Variants in CTDSPL2 observed in about 807,000 individuals in gnomAD.
CTDSPL2 encodes CTD small phosphatase-like protein 2.
CTDSPL2 carries 5 observed loss-of-function variants against 60.0 expected under a neutral mutation model. The ratio of observed to expected loss-of-function variants is 0.08; its 90% CI spans 0.04 to 0.18. CTDSPL2 has a LOEUF of 0.18. Among genes scored for constraint, CTDSPL2 ranks in the 10% least tolerant of loss-of-function variants. The pLI is 1.00. For missense variants in CTDSPL2, 370 were observed against 548.8 expected (o/e 0.67, Z 3.26); for synonymous variants, 186 against 189.3 (o/e 0.98, Z 0.14).
intron 1 of CTDSPL2, among the ~76,000 whole-genome samples, chr15:44,452,018 T>G (rs1200697114): frequency 6.6e-6 from 1 of 152,152 alleles, no homozygotes; most frequent in Non-Finnish European, 1.5e-5. Context: ...ATCAGAAATG[T>G]AGACTGAAAT....
At chr15:44,431,077 C>T (rs891281668) in intron 1 of CTDSPL2, among the ~76,000 whole-genome samples, 11 of 151,970 alleles carry the variant, frequency 7.2e-5, no homozygotes, top group African/African-American at 2.2e-4. Flanking sequence ...CCACCTCGGC[C>T]TCCCAAAGTG....
chr15:44,456,073 A>G (rs1299189978), intron 1 of CTDSPL2, among the ~76,000 whole-genome samples: 5 of 151,196 alleles, frequency 3.3e-5, no homozygotes, highest in African/African-American at 1.2e-4. Flanking sequence ...GATGGTCTCG[A>G]TCTCCTGACC....
At chr15:44,428,169 A>C (rs2079785358) in intron 1 of CTDSPL2, 1 of 152,706 alleles carries the variant, frequency 6.5e-6, no homozygotes, top group Admixed American at 6.5e-5. Flanking sequence ...CATTCTTTGG[A>C]GTAGGGTGCT....
intron 4 of CTDSPL2, among the ~76,000 whole-genome samples, chr15:44,488,465 A>G (rs961311766): frequency 2.6e-5 from 4 of 152,190 alleles, no homozygotes; most frequent in Admixed American, 1.3e-4. Context: ...GGAGATAGAT[A>G]ATTGAGTGTA....
intron 8 of CTDSPL2, among the ~76,000 whole-genome samples, chr15:44,507,266 G>C (rs981823703): frequency 6.6e-6 from 1 of 151,232 alleles, no homozygotes; most frequent in Non-Finnish European, 1.5e-5. Flanking sequence ...TGTATTTTTA[G>C]TAGAGATGGG....
intron 1 of CTDSPL2, among the ~76,000 whole-genome samples, chr15:44,444,389 GGTTGGAGTGC>G: frequency 6.6e-6 from 1 of 151,344 alleles, no homozygotes; most frequent in Admixed American, 6.6e-5. Context: ...CTGTCACCCA[GGTTGGAGTGC>G]AGTGGTGCAA....
At chr15:44,465,090 T>C (rs1159700517) in intron 2 of CTDSPL2, among the ~76,000 whole-genome samples, 1 of 152,268 alleles carries the variant, frequency 6.6e-6, no homozygotes, top group Middle Eastern at 3.4e-3. Context: ...GGCTTCAACA[T>C]AAACTTTGGG....
chr15:44,464,598 G>C (rs1005524516), intron 2 of CTDSPL2, among the ~76,000 whole-genome samples: 4 of 152,150 alleles, frequency 2.6e-5, no homozygotes, highest in Admixed American at 2.6e-4. Flanking sequence ...ATAGATGGCT[G>C]CCCCTCACAC....
At chr15:44,500,965 A>G (rs1418729905) in intron 8 of CTDSPL2, among the ~76,000 whole-genome samples, 1 of 152,190 alleles carries the variant, frequency 6.6e-6, no homozygotes, top group Non-Finnish European at 1.5e-5. Context: ...ACATAAAATT[A>G]AAAGATTTAA....
intron 2 of CTDSPL2, among the ~76,000 whole-genome samples, chr15:44,478,211 G>A (rs980616440): frequency 6.6e-6 from 1 of 152,056 alleles, no homozygotes; most frequent in Non-Finnish European, 1.5e-5. Flanking sequence ...CTTTTGGGAG[G>A]CTGAGGCAGG....
At chr15:44,458,803 T>G (rs2080501524) in intron 1 of CTDSPL2, among the ~76,000 whole-genome samples, 188 bp from the exon 2 acceptor site, 1 of 152,180 alleles carries the variant, frequency 6.6e-6, no homozygotes. Context: ...TGGGATAATA[T>G]AAATAATGTA....
At chr15:44,522,518 C>T (rs561261366) in intron 12 of CTDSPL2, among the ~76,000 whole-genome samples, 4 of 151,948 alleles carry the variant, frequency 2.6e-5, no homozygotes, top group Non-Finnish European at 5.9e-5. Flanking sequence ...TTTGGGAGGC[C>T]GAGGCAGGCA....
chr15:44,460,119 T>C (rs1006645265), intron 2 of CTDSPL2, among the ~76,000 whole-genome samples: 7 of 152,142 alleles, frequency 4.6e-5, no homozygotes, highest in African/African-American at 1.7e-4. Flanking sequence ...TTATTTTATT[T>C]ATTTATTTTT....
chr15:44,503,846 T>C (rs892478686), intron 8 of CTDSPL2: 1 of 152,232 alleles, frequency 6.6e-6, no homozygotes, highest in East Asian at 1.9e-4. Context: ...AGAAATCAGA[T>C]TGTGGTAAGC....
intron 2 of CTDSPL2, among the ~76,000 whole-genome samples, chr15:44,460,342 T>C (rs915868708): frequency 6.6e-6 from 1 of 152,188 alleles, no homozygotes; most frequent in African/African-American, 2.4e-5. Context: ...TCTCCTGACC[T>C]TGTGATTCGT....
intron 10 of CTDSPL2, chr15:44,517,500 A>T (rs927133766): frequency 6.6e-6 from 1 of 152,122 alleles, no homozygotes; most frequent in Non-Finnish European, 1.5e-5. Flanking sequence ...AAAGAAGAAA[A>T]AAAGAAATTC....
intron 4 of CTDSPL2, among the ~76,000 whole-genome samples, chr15:44,488,249 G>C (rs1025503703): frequency 4.6e-5 from 7 of 152,160 alleles, no homozygotes; most frequent in Non-Finnish European, 8.8e-5. Context: ...GTGTAGACTA[G>C]ATTCTGAAGA....
intron 2 of CTDSPL2, among the ~76,000 whole-genome samples, chr15:44,471,971 TAAAAAAA>T (rs201621712): frequency 7.1e-6 from 1 of 140,674 alleles, no homozygotes; most frequent in East Asian, 2.0e-4. Flanking sequence ...GAATAAAAAT[TAAAAAAA>T]AAAAAAGAGA....
intron 1 of CTDSPL2, among the ~76,000 whole-genome samples, chr15:44,444,717 G>A (rs1595700811): frequency 7.1e-6 from 1 of 141,384 alleles, no homozygotes; most frequent in South Asian, 2.3e-4. Context: ...TTTCTATGTA[G>A]TATAAGGTAA....
Sources: allele counts gnomAD v4.1 joint callset (sites outside exome capture counted in the v4.1 genomes callset), GRCh38; gene constraint gnomAD v4.1.1; transcripts MANE v1.5; gene names NCBI Gene and HGNC (gene_info 2026-07-23, HGNC 2026-07-21).